The following NPLOC4 variants were observed in gnomAD, a reference collection of about 807,000 sequenced individuals.
NPLOC4 encodes nuclear protein localization protein 4 homolog.
A neutral mutation model predicts 80.6 loss-of-function variants in NPLOC4; 18 were observed. The observed-to-expected ratio is 0.22, with a 90% confidence interval of 0.15 to 0.33. NPLOC4 has a LOEUF of 0.33. NPLOC4 is among the 10% of genes least tolerant of loss of function. The probability of loss-of-function intolerance (pLI) is 1.00; values close to 1 mark genes in which losing one functional copy is unlikely to be tolerated. For missense variants in NPLOC4, 540 were observed against 786.1 expected (o/e 0.69, Z 3.74); for synonymous variants, 313 against 301.5 (o/e 1.04, Z -0.39).
intron 3 of NPLOC4, among the ~76,000 whole-genome samples, chr17:81,617,254 G>GA (rs796986221): frequency 1.3e-5 from 2 of 151,404 alleles, no homozygotes; most frequent in Non-Finnish European, 2.9e-5. Context: ...GATTTAGGGG[G>GA]AAAAAAAATC....
chr17:81,636,240 AC>A (rs1197141665), intron 1 of NPLOC4, among the ~76,000 whole-genome samples: 1 of 152,154 alleles, frequency 6.6e-6, no homozygotes, highest in Admixed American at 6.6e-5. Flanking sequence ...CAAAGTGCTG[AC>A]ATCACAGGCG....
At chr17:81,569,383 G>A (rs968425297) in intron 13 of NPLOC4, among the ~76,000 whole-genome samples, 1 of 152,242 alleles carries the variant, frequency 6.6e-6, no homozygotes, top group Non-Finnish European at 1.5e-5. Context: ...AAAGGGCACT[G>A]GGACTCCCCT....
At chr17:81,594,675 T>C (rs929023537) in intron 11 of NPLOC4, among the ~76,000 whole-genome samples, 21 of 151,606 alleles carry the variant, frequency 1.4e-4, no homozygotes, top group Non-Finnish European at 2.8e-4. Context: ...CTCGGGAGGC[T>C]GAGGCAGGAG....
intron 3 of NPLOC4, among the ~76,000 whole-genome samples, chr17:81,621,870 A>G (rs1287732899): frequency 6.6e-6 from 1 of 152,218 alleles, no homozygotes; most frequent in East Asian, 1.9e-4. Flanking sequence ...CACTCCAGAC[A>G]AGCAGCTGAG....
chr17:81,636,025 T>C (rs1598703662), intron 1 of NPLOC4, among the ~76,000 whole-genome samples: 2 of 150,946 alleles, frequency 1.3e-5, no homozygotes, highest in Admixed American at 1.3e-4. Flanking sequence ...CAGGCTGGAG[T>C]GCCATGGAGG....
chr17:81,565,426 G>T, intron 16 of NPLOC4, 79 bp downstream of exon 16: 3 of 1,217,344 alleles, frequency 2.5e-6, no homozygotes, highest in Non-Finnish European at 3.5e-6. Context: ...GGGCACCACC[G>T]GCAGTGGGGA....
intron 1 of NPLOC4, among the ~76,000 whole-genome samples, chr17:81,632,850 T>C (rs2035966589): frequency 6.6e-6 from 1 of 152,174 alleles, no homozygotes. Flanking sequence ...GATAACCCTG[T>C]CCTGCATTTT....
chr17:81,579,678 CCTCT>C (rs1253727899), intron 12 of NPLOC4, among the ~76,000 whole-genome samples: 2 of 152,154 alleles, frequency 1.3e-5, no homozygotes, highest in Non-Finnish European at 2.9e-5. Context: ...CATGCCCCTT[CCTCT>C]CTGTGTGCCA....
chr17:81,617,839 T>G (rs1568159561), intron 3 of NPLOC4, among the ~76,000 whole-genome samples: 1 of 152,196 alleles, frequency 6.6e-6, no homozygotes, highest in Non-Finnish European at 1.5e-5. Flanking sequence ...TCGTATTTTT[T>G]TGGTGGAGAT....
intron 13 of NPLOC4, among the ~76,000 whole-genome samples, chr17:81,569,530 C>G (rs568800738): frequency 3.5e-4 from 53 of 152,352 alleles, no homozygotes; most frequent in Non-Finnish European, 5.9e-4. Flanking sequence ...GCTGACTTTG[C>G]TCAAGAGAGA....
intron 15 of NPLOC4, chr17:81,566,638 G>A (rs886074730): frequency 2.6e-5 from 4 of 152,240 alleles, no homozygotes; most frequent in East Asian, 1.9e-4. Flanking sequence ...AAATAAACTA[G>A]CAGGATACAA....
At chr17:81,596,083 T>C in intron 11 of NPLOC4, 33 bp downstream of exon 11, 2 of 1,584,772 alleles carry the variant, frequency 1.3e-6, no homozygotes, top group Non-Finnish European at 1.7e-6. Context: ...AACGAGGTGG[T>C]AATATTTACA....
rs62073403 is a variant in NPLOC4, at chr17:81,570,575, T to C, written c.1353+1442A>G. 4.4e-3 allele frequency among the ~76,000 whole-genome samples: 667 copies of C among 152,302 alleles called. 4 individuals carry two copies. The highest frequency in any genetic ancestry group is 6.8e-3 in the Middle Eastern group (2 of 294). ...CAAAGTCCACACAGCCCATCCCAGA[T>C]GTCCCAAGGAAGGGCATCAGCTCCC... is the stretch of plus-strand genomic sequence containing the variant. On this transcript the variant is annotated intron_variant, in intron 13 of 16. Coordinates refer to ENST00000331134, the MANE Select transcript of NPLOC4 (RefSeq NM_017921.4).
chr17:81,581,348 C>CAAAAAAA (rs1169351301), intron 12 of NPLOC4, among the ~76,000 whole-genome samples: 1 of 8,478 alleles, frequency 1.2e-4, no homozygotes, highest in African/African-American at 2.9e-4. Context: ...GACTCCAACG[C>CAAAAAAA]AAAAAAAAAA....
At chr17:81,609,865 A>G (rs2035297629) in intron 5 of NPLOC4, among the ~76,000 whole-genome samples, 1 of 152,370 alleles carries the variant, frequency 6.6e-6, no homozygotes, top group African/African-American at 2.4e-5. Flanking sequence ...GTGAGATTCA[A>G]GGCAAAGTAA....
chr17:81,618,983 G>C (rs1301340839), intron 3 of NPLOC4, among the ~76,000 whole-genome samples: 2 of 151,952 alleles, frequency 1.3e-5, no homozygotes, highest in Non-Finnish European at 2.9e-5. Flanking sequence ...GATGTGCTTT[G>C]TTAAACAGAT....
chr17:81,592,938 G>A (rs2034789859), intron 11 of NPLOC4, among the ~76,000 whole-genome samples: 1 of 152,120 alleles, frequency 6.6e-6, no homozygotes, highest in Non-Finnish European at 1.5e-5. Flanking sequence ...AGCCAAGATT[G>A]TGCCATGGCA....
chr17:81,624,741 C>T (rs2035754870), intron 2 of NPLOC4, among the ~76,000 whole-genome samples: 1 of 152,236 alleles, frequency 6.6e-6, no homozygotes, highest in African/African-American at 2.4e-5. Flanking sequence ...AGAAGTCTCT[C>T]TGAAGAGCTT....
chr17:81,631,877 G>A (rs1246015097), intron 1 of NPLOC4, among the ~76,000 whole-genome samples: 1 of 151,970 alleles, frequency 6.6e-6, no homozygotes, highest in Non-Finnish European at 1.5e-5. Context: ...TTGGCTCACT[G>A]CAACCTCTGC....
Sources: allele counts gnomAD v4.1 joint callset (sites outside exome capture counted in the v4.1 genomes callset), GRCh38; gene constraint gnomAD v4.1.1; transcripts MANE v1.5; gene names NCBI Gene and HGNC (gene_info 2026-07-23, HGNC 2026-07-21).